NXPE2: variants seen among roughly 807,000 people sequenced by gnomAD.
The protein encoded by NXPE2 is NXPE family member 2.
NXPE2 carries 34 observed loss-of-function variants against 34.4 expected under a neutral mutation model. The ratio of observed to expected loss-of-function variants is 0.99; its 90% confidence interval spans 0.75 to 1.31. NXPE2 has a LOEUF of 1.31. NXPE2 is among the 40% of genes most tolerant of loss of function. The pLI is 0.00. For missense variants in NXPE2, 649 were observed against 672.5 expected (o/e 0.97, Z 0.39); for synonymous variants, 235 against 231.3 (o/e 1.02, Z -0.15).
At chr11:114,737,768 T>A in the NXPE2 span, among the ~76,000 whole-genome samples, 1 of 152,064 alleles carries the variant, frequency 6.6e-6, no homozygotes, top group East Asian at 1.9e-4. Flanking sequence ...ATCAAAAGAC[T>A]GGCTCTTTTG....
At chr11:114,663,030 G>A in the NXPE2 span, among the ~76,000 whole-genome samples, 2 of 152,080 alleles carry the variant, frequency 1.3e-5, no homozygotes, top group South Asian at 2.1e-4. Flanking sequence ...TCTCTTATAC[G>A]GCATTTCTGG....
At chr11:114,610,137 T>G in the NXPE2 span, among the ~76,000 whole-genome samples, 3 of 151,756 alleles carry the variant, frequency 2.0e-5, no homozygotes, top group African/African-American at 7.3e-5. Flanking sequence ...CCGTGGATAA[T>G]AAGTATTGCC....
the NXPE2 span, among the ~76,000 whole-genome samples, chr11:114,771,862 C>T: frequency 6.6e-6 from 1 of 152,238 alleles, no homozygotes; most frequent in Non-Finnish European, 1.5e-5. Flanking sequence ...TCAGAGTTCT[C>T]CATTTATCTG....
At chr11:114,670,293 C>T in the NXPE2 span, among the ~76,000 whole-genome samples, 1 of 151,962 alleles carries the variant, frequency 6.6e-6, no homozygotes, top group Non-Finnish European at 1.5e-5. Context: ...TCACTGTTAT[C>T]CCAAGATGAT....
At chr11:114,806,233 C>T in the NXPE2 span, among the ~76,000 whole-genome samples, 1 of 152,080 alleles carries the variant, frequency 6.6e-6, no homozygotes, top group Non-Finnish European at 1.5e-5. Flanking sequence ...GATAAAACCA[C>T]AAAGATGGGA....
At chr11:114,759,700 C>A in the NXPE2 span, among the ~76,000 whole-genome samples, 7 of 152,024 alleles carry the variant, frequency 4.6e-5, no homozygotes, top group African/African-American at 1.7e-4. Context: ...TCCTTTAGTC[C>A]TTTAGAGATT....
intron 3 of NXPE2, among the ~76,000 whole-genome samples, chr11:114,702,882 G>A (rs1951392370): frequency 6.6e-6 from 1 of 152,078 alleles, no homozygotes; most frequent in Non-Finnish European, 1.5e-5. Context: ...TGAGATTCAG[G>A]CAATTCTTCT....
At chr11:114,800,209 T>C in the NXPE2 span, among the ~76,000 whole-genome samples, 4 of 152,210 alleles carry the variant, frequency 2.6e-5, no homozygotes, top group Non-Finnish European at 2.9e-5. Flanking sequence ...ACCCCCAAAA[T>C]TGCAAGCTTC....
chr11:114,584,328 C>T, the NXPE2 span: 1 of 484,356 alleles, frequency 2.1e-6, no homozygotes, highest in Non-Finnish European at 4.2e-6. Context: ...CTAATGAGTA[C>T]CTGGAGAAGA....
intron 4 of NXPE2, 40 bp from the exon 5 acceptor site, chr11:114,705,741 G>C: frequency 8.2e-7 from 1 of 1,213,646 alleles, no homozygotes; most frequent in Non-Finnish European, 1.1e-6. Context: ...AATAATTTGT[G>C]GTAATAAAAA....
chr11:114,757,354 G>A, the NXPE2 span, among the ~76,000 whole-genome samples: 4 of 149,988 alleles, frequency 2.7e-5, no homozygotes, highest in East Asian at 5.9e-4. Flanking sequence ...CAAGACATTC[G>A]TTACCCTAGT....
chr11:114,560,273 CTTTTTTTT>C, the NXPE2 span, among the ~76,000 whole-genome samples: 1 of 135,178 alleles, frequency 7.4e-6, no homozygotes, highest in East Asian at 2.1e-4. Flanking sequence ...CTTTTTTTTT[CTTTTTTTT>C]TTTTTTTTGG....
chr11:114,609,015 C>T, the NXPE2 span, among the ~76,000 whole-genome samples: 1 of 151,758 alleles, frequency 6.6e-6, no homozygotes. Flanking sequence ...TAAGTGTTGC[C>T]TTGTGGGTAA....
chr11:114,626,663 C>T, the NXPE2 span, among the ~76,000 whole-genome samples: 1 of 152,220 alleles, frequency 6.6e-6, no homozygotes, highest in African/African-American at 2.4e-5. Context: ...CAGAACAAAG[C>T]TGGACGGAGA....
the NXPE2 span, chr11:114,583,693 A>C: frequency 1.7e-6 from 1 of 577,530 alleles, no homozygotes; most frequent in African/African-American, 1.9e-5. Context: ...AGTTCAAGGC[A>C]TCTGGCTTCT....
chr11:114,714,581 C>T, the NXPE2 span, among the ~76,000 whole-genome samples: 1 of 152,188 alleles, frequency 6.6e-6, no homozygotes, highest in Non-Finnish European at 1.5e-5. Context: ...GCCTCTGTAT[C>T]TCCCATGCCA....
At chr11:114,467,502 A>G in the NXPE2 span, among the ~76,000 whole-genome samples, 1 of 152,170 alleles carries the variant, frequency 6.6e-6, no homozygotes, top group Non-Finnish European at 1.5e-5. Flanking sequence ...ATGATCCCCA[A>G]ATAGGACCAG....
At chr11:114,803,940 A>C in the NXPE2 span, among the ~76,000 whole-genome samples, 1 of 152,144 alleles carries the variant, frequency 6.6e-6, no homozygotes, top group Non-Finnish European at 1.5e-5. Flanking sequence ...TCATGATCTA[A>C]TCACCCCCCA....
chr11:114,770,396 C>T, the NXPE2 span, among the ~76,000 whole-genome samples: 3 of 152,206 alleles, frequency 2.0e-5, no homozygotes, highest in East Asian at 1.9e-4. Flanking sequence ...TGTGTGCACA[C>T]ACATGATTGC....
Sources: gnomAD v4.1 joint callset for allele counts (sites outside exome capture counted in the v4.1 genomes callset) on GRCh38, gnomAD v4.1.1 for gene constraint, MANE v1.5 for transcripts, NCBI Gene and HGNC (gene_info 2026-07-23, HGNC 2026-07-21) for gene names.